The following ME1 variants were observed in gnomAD, a reference collection of about 807,000 sequenced individuals.
ME1 encodes NADP-dependent malic enzyme.
Under a neutral mutation model 66.4 loss-of-function variants are expected in ME1, and 74 were observed. The observed-to-expected ratio is 1.11, with a 90% CI of 0.92 to 1.35. The LOEUF (loss-of-function observed/expected upper bound fraction) is 1.35, where lower values mean the gene tolerates loss of function less well. Among genes scored for constraint, ME1 ranks in the 40% most tolerant of loss-of-function variants. The probability of loss-of-function intolerance (pLI) is 0.00; values close to 1 mark genes in which losing one functional copy is unlikely to be tolerated. For synonymous variants in ME1, 251 were observed against 235.6 expected, an observed-to-expected ratio of 1.07 and a Z score of -0.60; for missense variants, 750 against 694.1, an observed-to-expected ratio of 1.08 and a Z score of -0.90.
intron 5 of ME1, among the ~76,000 whole-genome samples, chr6:83,331,803 C>G (rs984448568): frequency 6.6e-6 from 1 of 151,900 alleles, no homozygotes; most frequent in African/African-American, 2.4e-5. Flanking sequence ...CTCTTTGTTA[C>G]AATAACCCTA....
intron 9 of ME1, among the ~76,000 whole-genome samples, chr6:83,234,402 G>T (rs116493966): frequency 0.013 from 1,955 of 152,130 alleles, 47 homozygotes; most frequent in African/African-American, 0.045. Context: ...CTGCCAATGG[G>T]ACATCTCTGT....
chr6:83,320,982 A>C (rs947018729), intron 5 of ME1, among the ~76,000 whole-genome samples: 1 of 152,144 alleles, frequency 6.6e-6, no homozygotes, highest in African/African-American at 2.4e-5. Flanking sequence ...TGGGTTAGAC[A>C]GTGGGTACAG....
intron 2 of ME1, among the ~76,000 whole-genome samples, chr6:83,400,350 T>C (rs571245823): frequency 1.1e-4 from 16 of 152,276 alleles, no homozygotes; most frequent in African/African-American, 3.8e-4. Flanking sequence ...GTAAGCTTCC[T>C]GAGGCCCTCA....
At chr6:83,372,956 T>C (rs1479510800) in intron 3 of ME1, among the ~76,000 whole-genome samples, 1 of 152,224 alleles carries the variant, frequency 6.6e-6, no homozygotes, top group Non-Finnish European at 1.5e-5. Flanking sequence ...TGTTTAGTGA[T>C]GTTGAATGTT....
At chr6:83,371,388 C>T (rs1300097769) in intron 3 of ME1, among the ~76,000 whole-genome samples, 3 of 152,172 alleles carry the variant, frequency 2.0e-5, no homozygotes, top group Non-Finnish European at 1.5e-5. Flanking sequence ...ACTATTCAAT[C>T]AATCAGTCTC....
intron 5 of ME1, among the ~76,000 whole-genome samples, chr6:83,333,166 ACT>A (rs546025030): frequency 3.3e-3 from 506 of 152,330 alleles, no homozygotes; most frequent in Non-Finnish European, 4.9e-3. Context: ...AAGGGGATTT[ACT>A]TTTATTAAAA....
chr6:83,214,735 CTT>C (rs1361029686), intron 13 of ME1, among the ~76,000 whole-genome samples: 1 of 152,192 alleles, frequency 6.6e-6, no homozygotes, highest in Non-Finnish European at 1.5e-5. Context: ...TCTAGCCTCT[CTT>C]TAAGTTTCAG....
chr6:83,393,397 T>C (rs1583414789), intron 3 of ME1: 16 of 714,514 alleles, frequency 2.2e-5, no homozygotes, highest in South Asian at 2.2e-4. Context: ...ACAGTGTGGC[T>C]TCCAAGGAGT....
intron 3 of ME1, among the ~76,000 whole-genome samples, chr6:83,357,935 C>CTATATATATATATATATA (rs60624497): frequency 1.3e-4 from 4 of 30,034 alleles, no homozygotes; most frequent in East Asian, 1.2e-3. Flanking sequence ...CTCTCTCTCT[C>CTATATATATATATATATA]TATATATATA....
intron 3 of ME1, among the ~76,000 whole-genome samples, chr6:83,397,861 G>A (rs903176500): frequency 6.6e-6 from 1 of 152,180 alleles, no homozygotes; most frequent in African/African-American, 2.4e-5. Flanking sequence ...ATTACGTTAA[G>A]TGAAATAAGC....
intron 12 of ME1, 29 bp downstream of exon 12, chr6:83,223,731 C>T: frequency 6.2e-7 from 1 of 1,605,562 alleles, no homozygotes; most frequent in Non-Finnish European, 8.5e-7. Context: ...ATTTTAAACC[C>T]TTGGTAAACT....
intron 5 of ME1, among the ~76,000 whole-genome samples, chr6:83,331,232 GAAGT>G (rs1768402148): frequency 6.6e-6 from 1 of 152,138 alleles, no homozygotes; most frequent in African/African-American, 2.4e-5. Flanking sequence ...AGTATTTAAA[GAAGT>G]AATTAAGTTG....
At chr6:83,304,514 T>C (rs936671014) in intron 6 of ME1, among the ~76,000 whole-genome samples, 1 of 152,194 alleles carries the variant, frequency 6.6e-6, no homozygotes, top group Non-Finnish European at 1.5e-5. Context: ...ACTTTAACAA[T>C]AGCTTATTTT....
intron 3 of ME1, chr6:83,393,201 G>A (rs182420214): frequency 6.7e-6 from 8 of 1,197,290 alleles, no homozygotes; most frequent in Non-Finnish European, 7.4e-6. Flanking sequence ...GCAGGCGTCA[G>A]AGGACCCCCT....
chr6:83,320,988 T>A (rs976706809), intron 5 of ME1, among the ~76,000 whole-genome samples: 10 of 151,990 alleles, frequency 6.6e-5, no homozygotes, highest in Admixed American at 6.6e-4. Flanking sequence ...AGACAGTGGG[T>A]ACAGCCCACA....
chr6:83,324,873 A>G (rs1583381705), intron 5 of ME1, among the ~76,000 whole-genome samples: 2 of 152,338 alleles, frequency 1.3e-5, no homozygotes, highest in South Asian at 4.1e-4. Context: ...TTATCACATC[A>G]GCATCATCCT....
chr6:83,331,223 G>C (rs1768401977), intron 5 of ME1, among the ~76,000 whole-genome samples: 2 of 152,124 alleles, frequency 1.3e-5, no homozygotes, highest in African/African-American at 2.4e-5. Flanking sequence ...TGGAGACAGA[G>C]TATTTAAAGA....
rs141818558 is a variant in ME1 at position 83,306,651 on chromosome 6, G to A, written c.704+8659C>T. Among the ~76,000 whole-genome samples, 113 of 152,100 alleles carry A rather than the reference G, an allele frequency of 7.4e-4. 1 individual carries two copies. Among genetic ancestry groups the A allele is most frequent in the African/African-American group, 2.5e-3 (105 of 41,524 alleles). On this transcript the variant is annotated intron_variant, in intron 6 of 13. Coordinates refer to ENST00000369705, the MANE Select transcript of ME1 (RefSeq NM_002395.6). Reference sequence around the variant, plus strand: ...TGTGTCTTTCTCTAGTTTATGTTGGGGAGCTACCTTTACTTCAGATATATG... The same window carrying A: ...TGTGTCTTTCTCTAGTTTATGTTGGAGAGCTACCTTTACTTCAGATATATG...
rs373227553 is a variant in ME1, at chr6:83,221,087, G to A, written c.1449+2673C>T. Among the ~76,000 whole-genome samples the A allele has an allele frequency of 1.5e-4, 23 of 152,032 alleles. No individual in the cohort carries two copies. The East Asian group carries it at 3.9e-3, about 26-fold the overall frequency. On this transcript the variant is annotated intron_variant, in intron 12 of 13. Transcript: ENST00000369705. ...AGGCAGGAGTATTGCTTGAACCAGGGAGTTGGAGGTTGCAGTGGGCCAAGA... is the reference window on the plus strand; with the variant it reads ...AGGCAGGAGTATTGCTTGAACCAGGAAGTTGGAGGTTGCAGTGGGCCAAGA...
Sources: allele counts gnomAD v4.1 joint callset (sites outside exome capture counted in the v4.1 genomes callset), GRCh38; gene constraint gnomAD v4.1.1; transcripts MANE v1.5; gene names NCBI Gene and HGNC (gene_info 2026-07-23, HGNC 2026-07-21).